TEKTIP1: variants seen among roughly 807,000 people sequenced by gnomAD.
The protein encoded by TEKTIP1 is tektin bundle-interacting protein 1.
At chr19:3,543,982 C>A in the TEKTIP1 span, 1 of 1,547,698 alleles carries the variant, frequency 6.5e-7, no homozygotes, top group South Asian at 1.2e-5. Context: ...CAGCGGTCCC[C>A]GCCTTCCCTC....
the TEKTIP1 span, chr19:3,542,530 A>C: frequency 1.1e-6 from 1 of 910,586 alleles, no homozygotes; most frequent in Non-Finnish European, 1.3e-6. Flanking sequence ...CTGGAGTGCA[A>C]GGGCACGATC....
chr19:3,543,750 G>GC, the TEKTIP1 span: 1 of 1,491,486 alleles, frequency 6.7e-7, no homozygotes, highest in Non-Finnish European at 9.0e-7. Context: ...GGGTGAAACT[G>GC]CCCGGGGCGA....
At chr19:3,543,876 G>C in the TEKTIP1 span, 2 of 1,550,304 alleles carry the variant, frequency 1.3e-6, no homozygotes, top group Non-Finnish European at 8.7e-7. Context: ...GAGGGCATCA[G>C]ACTACGTGCC....
At chr19:3,541,788 T>A in the TEKTIP1 span, 4 of 984,994 alleles carry the variant, frequency 4.1e-6, no homozygotes, top group Non-Finnish European at 4.8e-6. Context: ...AGGGGCTCAT[T>A]TCTCATTGAA....
the TEKTIP1 span, chr19:3,543,301 G>T: frequency 6.5e-7 from 1 of 1,549,034 alleles, no homozygotes; most frequent in East Asian, 2.4e-5. Context: ...CACGCTGGAA[G>T]TACACGCCCA....
chr19:3,543,016 G>C, the TEKTIP1 span: 1 of 1,603,930 alleles, frequency 6.2e-7, no homozygotes, highest in Non-Finnish European at 8.5e-7. Context: ...TGGGTGCTTG[G>C]GGTGCGATGT....
the TEKTIP1 span, chr19:3,543,651 AAGAC>A: frequency 5.2e-6 from 8 of 1,543,036 alleles, no homozygotes; most frequent in African/African-American, 9.6e-5. Context: ...GCGCTGTGGA[AAGAC>A]AGGCCAATCC....
chr19:3,543,086 G>A, the TEKTIP1 span: 2 of 1,567,798 alleles, frequency 1.3e-6, no homozygotes, highest in East Asian at 2.3e-5. Context: ...GAGGGGTACA[G>A]GGCTGAAGGA....
the TEKTIP1 span, chr19:3,542,915 T>A: frequency 7.0e-7 from 1 of 1,437,204 alleles, no homozygotes; most frequent in Non-Finnish European, 9.4e-7. Context: ...ACAAGGACTG[T>A]AGGAATCCAG....
the TEKTIP1 span, chr19:3,541,702 A>G: frequency 3.0e-6 from 3 of 985,206 alleles, no homozygotes; most frequent in Non-Finnish European, 3.6e-6. Flanking sequence ...GGGTGAGTGC[A>G]TGTACCACCT....
chr19:3,541,757 A>G, the TEKTIP1 span: 4 of 985,266 alleles, frequency 4.1e-6, no homozygotes, highest in African/African-American at 1.7e-5. Flanking sequence ...GCAGGTGGGT[A>G]CGGGGCCGAC....
the TEKTIP1 span, chr19:3,543,598 C>G: frequency 7.1e-6 from 11 of 1,544,388 alleles, no homozygotes; most frequent in East Asian, 2.4e-5. Context: ...ATGACCCCAT[C>G]GTCCCTGCCC....
At chr19:3,543,537 G>GCCC in the TEKTIP1 span, 1 of 1,328,706 alleles carries the variant, frequency 7.5e-7, no homozygotes, top group Non-Finnish European at 9.8e-7. Flanking sequence ...ATGACCGCCA[G>GCCC]CCCCCGCCCC....
At chr19:3,539,551 C>G in the TEKTIP1 span, 1 of 457,678 alleles carries the variant, frequency 2.2e-6, no homozygotes, top group Non-Finnish European at 4.0e-6. Context: ...CCTCTGAAAT[C>G]CAGGCCTGTG....
chr19:3,543,179 G>A, the TEKTIP1 span: 58 of 1,525,468 alleles, frequency 3.8e-5, no homozygotes, highest in Non-Finnish European at 4.8e-5. Context: ...ATCGCAAAGG[G>A]GTCAAAGCAC....
chr19:3,539,271 C>T, the TEKTIP1 span: 2 of 1,535,060 alleles, frequency 1.3e-6, no homozygotes, highest in African/African-American at 2.8e-5. Flanking sequence ...GTGAGCCCCT[C>T]CCTACAGGTG....
chr19:3,541,620 G>C, the TEKTIP1 span: 3 of 984,288 alleles, frequency 3.0e-6, 1 homozygote, highest in South Asian at 1.4e-4. Flanking sequence ...CGCACCCAGT[G>C]CAAGACCCTA....
At chr19:3,539,232 G>A in the TEKTIP1 span, 16 of 1,550,538 alleles carry the variant, frequency 1.0e-5, no homozygotes, top group East Asian at 2.4e-5. Context: ...GGGGACCCTC[G>A]AGGCCAGCTT....
At chr19:3,542,440 A>G in the TEKTIP1 span, 2 of 985,418 alleles carry the variant, frequency 2.0e-6, no homozygotes, top group South Asian at 9.4e-5. Flanking sequence ...CATATTCCCA[A>G]GAGCAAGGTC....
Sources: allele counts gnomAD v4.1 joint callset, GRCh38; gene constraint gnomAD v4.1.1; transcripts MANE v1.5; gene names NCBI Gene and HGNC (gene_info 2026-07-23, HGNC 2026-07-21).